The following ALDH1A2 variants were observed in gnomAD, a reference collection of about 807,000 sequenced individuals.
The protein encoded by ALDH1A2 is retinal dehydrogenase 2.
Under a neutral mutation model 60.3 loss-of-function variants are expected in ALDH1A2, and 27 were observed. The ratio of observed to expected loss-of-function variants is 0.45; its 90% confidence interval spans 0.33 to 0.62. The LOEUF is 0.62. Among genes scored for constraint, ALDH1A2 ranks in the 20% least tolerant of loss-of-function variants. The pLI is 0.02. For missense variants in ALDH1A2, 581 were observed against 643.8 expected (o/e 0.90, Z 1.06); for synonymous variants, 289 against 232.4 (o/e 1.24, Z -2.21).
At chr15:57,962,591 G>T (rs1893760365) in intron 9 of ALDH1A2, among the ~76,000 whole-genome samples, 2 of 152,100 alleles carry the variant, frequency 1.3e-5, no homozygotes, top group Admixed American at 1.3e-4. Flanking sequence ...TTTAGATAGT[G>T]CTACATACCC....
At chr15:57,979,264 T>A (rs1235360654) in intron 7 of ALDH1A2, among the ~76,000 whole-genome samples, 1 of 152,012 alleles carries the variant, frequency 6.6e-6, no homozygotes, top group Non-Finnish European at 1.5e-5. Flanking sequence ...CTCTCCACTG[T>A]CCCCACCCCA....
chr15:57,994,304 A>T (rs1356487752), intron 5 of ALDH1A2, among the ~76,000 whole-genome samples: 1 of 152,218 alleles, frequency 6.6e-6, no homozygotes, highest in Non-Finnish European at 1.5e-5. Flanking sequence ...TAAATATTAT[A>T]TCTTCCCCAC....
At chr15:58,039,533 C>G (rs1356296366) in intron 1 of ALDH1A2, among the ~76,000 whole-genome samples, 3 of 151,776 alleles carry the variant, frequency 2.0e-5, no homozygotes, top group African/African-American at 7.3e-5. Context: ...AGGCTGAGAC[C>G]ATAAATCAGC....
At chr15:57,994,942 A>G in intron 5 of ALDH1A2, 136 bp downstream of exon 5, 2 of 839,112 alleles carry the variant, frequency 2.4e-6, no homozygotes, top group South Asian at 1.3e-5. Context: ...GCTGTTAAAG[A>G]TATGTCAACA....
chr15:58,051,651 G>A (rs970123005), intron 1 of ALDH1A2, among the ~76,000 whole-genome samples: 3 of 152,154 alleles, frequency 2.0e-5, no homozygotes, highest in Non-Finnish European at 4.4e-5. Flanking sequence ...TTCATTTGCA[G>A]TGGCCCCATA....
At chr15:58,010,421 A>G (rs1378471005) in intron 4 of ALDH1A2, among the ~76,000 whole-genome samples, 2 of 152,098 alleles carry the variant, frequency 1.3e-5, no homozygotes, top group Non-Finnish European at 2.9e-5. Flanking sequence ...TCTTCCTTAG[A>G]TGAATGATGT....
intron 7 of ALDH1A2, among the ~76,000 whole-genome samples, chr15:57,985,476 G>C (rs1356093692): frequency 6.6e-6 from 1 of 152,152 alleles, no homozygotes; most frequent in Admixed American, 6.5e-5. Context: ...CTGAGAAACA[G>C]GTATGTATGC....
chr15:58,064,253 A>G (rs1566965582), intron 1 of ALDH1A2, among the ~76,000 whole-genome samples: 1 of 152,196 alleles, frequency 6.6e-6, no homozygotes, highest in Non-Finnish European at 1.5e-5. Context: ...AACAATGCCT[A>G]AAAGGTTATA....
intron 4 of ALDH1A2, among the ~76,000 whole-genome samples, chr15:57,998,722 C>T (rs1418882204): frequency 6.6e-6 from 1 of 151,694 alleles, no homozygotes; most frequent in Non-Finnish European, 1.5e-5. Context: ...CATATGGAAC[C>T]TAAAGAGCCC....
rs576820487 is a variant in ALDH1A2 at position 58,011,700 on chromosome 15, T to A, written c.364-922A>T. Among the ~76,000 whole-genome samples the A allele has an allele frequency of 4.6e-5, 7 of 152,322 alleles. 1 individual carries two copies. Among genetic ancestry groups the A allele is most frequent in the African/African-American group, 1.7e-4 (7 of 41,578 alleles). On this transcript the variant is annotated intron_variant, in intron 3 of 12. Coordinates refer to ENST00000249750, the MANE Select transcript of ALDH1A2 (RefSeq NM_003888.4). ...GAAAATACTATGACTTCCAGTGTAA[T>A]TTATCTACTTAGTATGTGTATAAAA...
intron 8 of ALDH1A2, 46 bp downstream of exon 8, chr15:57,965,679 C>G (rs772505488): frequency 4.4e-6 from 6 of 1,370,550 alleles, no homozygotes; most frequent in Non-Finnish European, 6.3e-6. Flanking sequence ...AAGAGAGCAC[C>G]AAAGGGTGTG....
chr15:57,992,636 T>C (rs1184707457), intron 7 of ALDH1A2, 69 bp downstream of exon 7: 3 of 1,422,276 alleles, frequency 2.1e-6, no homozygotes, highest in Non-Finnish European at 3.0e-6. Flanking sequence ...GTACTAGTTT[T>C]ATTGTTTTTG....
intron 1 of ALDH1A2, among the ~76,000 whole-genome samples, chr15:58,061,445 T>A (rs566042142): frequency 1.0e-4 from 15 of 149,752 alleles, no homozygotes; most frequent in African/African-American, 3.4e-4. Context: ...AAAAAAAAAA[T>A]CTCATAGAAA....
chr15:57,982,955 C>G (rs1316948314), intron 7 of ALDH1A2, among the ~76,000 whole-genome samples: 2 of 152,074 alleles, frequency 1.3e-5, no homozygotes, highest in Non-Finnish European at 2.9e-5. Context: ...CACACACTAC[C>G]CTTCTCAACA....
rs551238857 is a variant in ALDH1A2, at chr15:57,963,622, C to T, written c.1086+263G>A. On this transcript the variant is annotated intron_variant, in intron 9 of 12. Transcript: ENST00000249750. ...CCTCCCTAAAAGCTGAGATTACAGGCGTGAGCCACTGCGCCCGGCCAGAAT... is the reference window on the plus strand; with the variant it reads ...CCTCCCTAAAAGCTGAGATTACAGGTGTGAGCCACTGCGCCCGGCCAGAAT... 2.5e-3 allele frequency among the ~76,000 whole-genome samples: 375 copies of T among 152,148 alleles called. 2 individuals are homozygous for T. The highest frequency in any genetic ancestry group is 8.8e-3 in the African/African-American group (366 of 41,508).
At chr15:57,963,754 G>A (rs182264859) in intron 9 of ALDH1A2, 131 bp downstream of exon 9, 221 of 908,822 alleles carry the variant, frequency 2.4e-4, no homozygotes, top group African/African-American at 2.1e-3. Flanking sequence ...TTCCAGCCAC[G>A]AAGACATGGT....
At chr15:57,978,186 C>CTT (rs1171338581) in intron 7 of ALDH1A2, among the ~76,000 whole-genome samples, 8 of 152,308 alleles carry the variant, frequency 5.3e-5, no homozygotes, top group African/African-American at 1.9e-4. Context: ...CCCTTTATTT[C>CTT]TTTCTTTTGC....
intron 1 of ALDH1A2, among the ~76,000 whole-genome samples, chr15:58,053,547 G>A (rs1896827846): frequency 6.6e-6 from 1 of 152,080 alleles, no homozygotes; most frequent in Non-Finnish European, 1.5e-5. Context: ...TGTACTTTAT[G>A]TACCCCTATT....
chr15:57,990,589 A>C (rs1463208749), intron 7 of ALDH1A2: 1 of 152,160 alleles, frequency 6.6e-6, no homozygotes, highest in Non-Finnish European at 1.5e-5. Context: ...AAAGTTACAC[A>C]ATAGGCCGGA....
Sources: allele counts gnomAD v4.1 joint callset (sites outside exome capture counted in the v4.1 genomes callset), GRCh38; gene constraint gnomAD v4.1.1; transcripts MANE v1.5; gene names NCBI Gene and HGNC (gene_info 2026-07-23, HGNC 2026-07-21).